The following PLSCR1 variants were observed in gnomAD, a reference collection of about 807,000 sequenced individuals.
PLSCR1 encodes the protein phospholipid scramblase 1.
In PLSCR1, 17 loss-of-function variants were observed where a neutral mutation model predicts 37.8. That is an observed-to-expected ratio of 0.45 (90% confidence interval 0.31 to 0.68). The LOEUF is 0.68. Among genes scored for constraint, PLSCR1 ranks in the 30% least tolerant of loss-of-function variants. PLSCR1 has a pLI of 0.06. For synonymous variants in PLSCR1, 116 were observed against 125.9 expected, an observed-to-expected ratio of 0.92 and a Z score of 0.53; for missense variants, 347 against 380.9, an observed-to-expected ratio of 0.91 and a Z score of 0.74.
In PLSCR1 at chr3:146,533,537, A is replaced by G. The variant is rs999440238; in HGVS notation, c.27T>C (p.Asn9=). The change falls in exon 3 of 9, where the codon AAT becomes AAC. Residue 9 remains asparagine (N), a synonymous_variant. Coordinates refer to ENST00000342435, the MANE Select transcript of PLSCR1 (RefSeq NM_021105.3). MDKQNSQM[N]ASHPETNLPV... is the part of the protein sequence containing the mutation. ...GCAAGTTTGTTTCCGGGTGAGAAGC[A>G]TTCATCTGTGAGTCTGCAATTCAAG... 4.4e-6 allele frequency: 7 copies of G among 1,602,920 alleles called. No homozygotes were observed. The African/African-American group carries it at 6.7e-5, about 15-fold the overall frequency.
Position 146,525,537 on chromosome 3 carries a change from T to C in PLSCR1, c.355+68A>G, listed in dbSNP as rs1425211813. 2.0e-5 allele frequency: 16 copies of C among 789,296 alleles called. No homozygotes were observed. In the East Asian group the frequency reaches 4.0e-4, roughly 20 times the overall value. 48.9% of individuals were successfully genotyped at this position (789,296 alleles called of 1,614,324 possible). A position where few individuals can be genotyped will look rare whatever the true frequency, so the allele number is the denominator to read the frequency against. Reference sequence around the variant, plus strand: ...AGTGAGAGTGTTATATTTGTGGAGGTCAATGTGCCTTTATCTGCATAAACT... The same window carrying C: ...AGTGAGAGTGTTATATTTGTGGAGGCCAATGTGCCTTTATCTGCATAAACT... On this transcript the variant is annotated intron_variant, in intron 5 of 8. Coordinates refer to ENST00000342435, the MANE Select transcript of PLSCR1 (RefSeq NM_021105.3).
intron 6 of PLSCR1, 26 bp downstream of exon 6, chr3:146,521,807 A>C (rs947989033): frequency 7.5e-6 from 12 of 1,590,040 alleles, no homozygotes; most frequent in Non-Finnish European, 8.6e-6. Flanking sequence ...CTATTTTACA[A>C]AGTGCCCTGG....
intron 7 of PLSCR1, among the ~76,000 whole-genome samples, chr3:146,520,858 C>T (rs969813037): frequency 6.6e-6 from 1 of 152,008 alleles, no homozygotes; most frequent in Non-Finnish European, 1.5e-5. Flanking sequence ...AACAAGAAAT[C>T]AAGATTAAGT....
Position 146,517,349 on chromosome 3 carries a change from G to A in PLSCR1, c.739-182C>T, listed in dbSNP as rs554886074. Reference sequence around the variant, plus strand: ...TATGAAAAAAACTGTTTCATTGTACGGAGAAATTATATTTCAGAAAGTTTT... The same window carrying A: ...TATGAAAAAAACTGTTTCATTGTACAGAGAAATTATATTTCAGAAAGTTTT... On this transcript the variant is annotated intron_variant, in intron 7 of 8. Coordinates refer to ENST00000342435, the MANE Select transcript of PLSCR1 (RefSeq NM_021105.3). 457 of 328,374 alleles carry A rather than the reference G, an allele frequency of 1.4e-3. 1 individual carries two copies. Among genetic ancestry groups the A allele is most frequent in the Non-Finnish European group, 1.9e-3 (350 of 183,596 alleles). 20.3% of individuals were successfully genotyped at this position (328,374 alleles called of 1,614,324 possible).
chr3:146,527,053 C>T (rs1342029033), intron 4 of PLSCR1, among the ~76,000 whole-genome samples: 2 of 152,154 alleles, frequency 1.3e-5, no homozygotes, highest in Non-Finnish European at 2.9e-5. Flanking sequence ...AAGAGAATAG[C>T]TTGAACCCGG....
At chr3:146,516,380 C>G in intron 8 of PLSCR1, 1 of 272,226 alleles carries the variant, frequency 3.7e-6, no homozygotes, top group Non-Finnish European at 6.8e-6. Flanking sequence ...TTTCTCTATC[C>G]CCATAATTCT....
Position 146,519,951 on chromosome 3 carries a change from C to T in PLSCR1, c.738+1593G>A, listed in dbSNP as rs192490180. 1.2e-3 allele frequency among the ~76,000 whole-genome samples: 183 copies of T among 152,110 alleles called. 2 individuals carry two copies. Among genetic ancestry groups the T allele is most frequent in the East Asian group, 5.6e-3 (29 of 5,174 alleles). ...CCTATGAAATGCCTCTTGAGTTATT[C>T]TCTGTTTTAGAATGACTCCTGCCCC... is the stretch of plus-strand genomic sequence containing the variant. On this transcript the variant is annotated intron_variant, in intron 7 of 8. Coordinates refer to ENST00000342435, the MANE Select transcript of PLSCR1 (RefSeq NM_021105.3).
intron 5 of PLSCR1, among the ~76,000 whole-genome samples, 172 bp from the exon 6 acceptor site, chr3:146,522,225 G>A (rs909147129): frequency 2.3e-4 from 35 of 152,124 alleles, no homozygotes; most frequent in Admixed American, 6.5e-5. Context: ...CAAAAAAAAG[G>A]AGAGATTACC....
At chr3:146,522,149 A>G in intron 5 of PLSCR1, 96 bp from the exon 6 acceptor site, 1 of 753,796 alleles carries the variant, frequency 1.3e-6, no homozygotes, top group East Asian at 2.7e-5. Context: ...GTTTTTGATG[A>G]TACCCCAAGT....
intron 5 of PLSCR1, among the ~76,000 whole-genome samples, chr3:146,523,179 G>A (rs917950189): frequency 2.0e-5 from 3 of 152,066 alleles, no homozygotes; most frequent in South Asian, 2.1e-4. Context: ...CAAGTCTCTC[G>A]TTCCGCCTAA....
At chr3:146,533,035 C>T (rs767066891) in intron 3 of PLSCR1, among the ~76,000 whole-genome samples, 3 of 152,136 alleles carry the variant, frequency 2.0e-5, no homozygotes, top group Non-Finnish European at 4.4e-5. Context: ...TGATGTGACT[C>T]TCACTGAACA....
At chr3:146,526,183 C>CAAAAAAAAAAAA (rs60229241) in intron 4 of PLSCR1, among the ~76,000 whole-genome samples, 2 of 42,820 alleles carry the variant, frequency 4.7e-5, no homozygotes, top group African/African-American at 9.7e-5. Context: ...GACTCCATCT[C>CAAAAAAAAAAAA]AAAAAAAAAA....
chr3:146,533,410 C>A, intron 3 of PLSCR1, 60 bp downstream of exon 3: 1 of 872,736 alleles, frequency 1.1e-6, no homozygotes, highest in South Asian at 1.7e-5. Flanking sequence ...CTCCCACTCT[C>A]ACTCTCTCTC....
At chr3:146,525,517 G>A in intron 5 of PLSCR1, 88 bp downstream of exon 5, 1 of 723,374 alleles carries the variant, frequency 1.4e-6, no homozygotes, top group Admixed American at 2.3e-5. Context: ...ATATAAGTGA[G>A]AGTGTTATAT....
intron 8 of PLSCR1, chr3:146,516,325 T>C (rs112916810): frequency 8.2e-6 from 3 of 366,794 alleles, no homozygotes; most frequent in South Asian, 5.8e-5. Flanking sequence ...TTGATACCTG[T>C]ATGAATTTAA....
At chr3:146,518,123 G>A (rs2043971356) in intron 7 of PLSCR1, among the ~76,000 whole-genome samples, 1 of 152,104 alleles carries the variant, frequency 6.6e-6, no homozygotes, top group Non-Finnish European at 1.5e-5. Context: ...TCCTTCTGTA[G>A]GGCCAGTATA....
At chr3:146,522,079 A>T in intron 5 of PLSCR1, 26 bp from the exon 6 acceptor site, 1 of 1,205,970 alleles carries the variant, frequency 8.3e-7, no homozygotes, top group South Asian at 1.2e-5. Context: ...ACGAAATCAT[A>T]ATCACCTCTA....
intron 3 of PLSCR1, 38 bp from the exon 4 acceptor site, chr3:146,528,869 C>T (rs779931220): frequency 6.7e-7 from 1 of 1,496,324 alleles, no homozygotes; most frequent in Non-Finnish European, 9.2e-7. Context: ...GTAACTGCAC[C>T]AAAAATGGAA....
At chr3:146,536,504 AAGG>A (rs772237558) in intron 2 of PLSCR1, 33 bp downstream of exon 2, 24 of 1,046,550 alleles carry the variant, frequency 2.3e-5, no homozygotes, top group Middle Eastern at 2.0e-4. Context: ...TTAACATTAT[AAGG>A]AGGAAAGTAA....
Sources: allele counts gnomAD v4.1 joint callset (sites outside exome capture counted in the v4.1 genomes callset), GRCh38; gene constraint gnomAD v4.1.1; transcripts MANE v1.5; gene names NCBI Gene and HGNC (gene_info 2026-07-23, HGNC 2026-07-21).